Variants in UBFD1 observed in about 807,000 individuals in gnomAD.
UBFD1 encodes ubiquitin family domain containing 1.
Under a neutral mutation model 35.1 loss-of-function variants are expected in UBFD1, and 12 were observed. The observed-to-expected ratio is 0.34, with a 90% confidence interval of 0.22 to 0.55. The LOEUF is 0.55. Among genes scored for constraint, UBFD1 ranks in the 20% least tolerant of loss-of-function variants. The pLI, the probability that UBFD1 is intolerant of heterozygous loss-of-function variation, is 0.89. For synonymous variants in UBFD1, 178 were observed against 167.6 expected (o/e 1.06, Z -0.48); for missense variants, 337 against 410.8 (o/e 0.82, Z 1.55).
chr16:23,566,059 C>T (rs1038009552), intron 5 of UBFD1: 1 of 152,162 alleles, frequency 6.6e-6, no homozygotes, highest in Non-Finnish European at 1.5e-5. Context: ...GTCTTCTGAC[C>T]CCATGTGATC....
At chr16:23,564,508 C>T (rs1333815783) in intron 5 of UBFD1, 2 of 152,226 alleles carry the variant, frequency 1.3e-5, no homozygotes, top group African/African-American at 2.4e-5. Flanking sequence ...TCCATCTTCC[C>T]TTTATCAGTA....
At chr16:23,562,314 C>T (rs1965947814) in intron 4 of UBFD1, 43 bp downstream of exon 4, 1 of 1,583,122 alleles carries the variant, frequency 6.3e-7, no homozygotes, top group Non-Finnish European at 8.7e-7. Flanking sequence ...ATGAGGCAGC[C>T]CCACCGTCTG....
chr16:23,561,979 A>G, intron 3 of UBFD1: 1 of 455,484 alleles, frequency 2.2e-6, no homozygotes, highest in Non-Finnish European at 3.9e-6. Flanking sequence ...CAAGTGTGTA[A>G]TAGTCACAGC....
Position 23,570,602 on chromosome 16 carries a change from C to T in UBFD1, c.*12C>T, listed in dbSNP as rs1296193401. On this transcript the variant is annotated 3_prime_UTR_variant, in exon 7 of 7. Coordinates refer to ENST00000395878, the MANE Select transcript of UBFD1 (RefSeq NM_019116.3). ...GGCAGTATTTTTGAAAGCACTTTCACCTCTGGCCCAGGAGACTGACCCAAA... is the reference window on the plus strand; with the variant it reads ...GGCAGTATTTTTGAAAGCACTTTCATCTCTGGCCCAGGAGACTGACCCAAA... The T allele has an allele frequency of 3.7e-6, 6 of 1,609,968 alleles. No individual in the cohort carries two copies. Among genetic ancestry groups the T allele is most frequent in the Non-Finnish European group, 5.1e-6 (6 of 1,176,314 alleles).
At chr16:23,567,118 A>C (rs1183338925) in intron 6 of UBFD1, 49 bp downstream of exon 6, 2 of 1,557,394 alleles carry the variant, frequency 1.3e-6, no homozygotes, top group South Asian at 2.2e-5. Context: ...CTCCCACTTC[A>C]CCTGGCAGGG....
chr16:23,560,497 C>T (rs1389770656), intron 3 of UBFD1, among the ~76,000 whole-genome samples: 1 of 152,096 alleles, frequency 6.6e-6, no homozygotes. Context: ...CATTTAGTGA[C>T]CATAGACACT....
At chr16:23,557,836 G>A in intron 1 of UBFD1, 69 bp downstream of exon 1, 3 of 1,275,746 alleles carry the variant, frequency 2.4e-6, no homozygotes, top group Non-Finnish European at 3.0e-6. Flanking sequence ...GGGGGATGCG[G>A]CCCGGCCCGG....
At chr16:23,564,784 A>G (rs913168777) in intron 5 of UBFD1, 3 of 152,236 alleles carry the variant, frequency 2.0e-5, no homozygotes, top group Admixed American at 1.3e-4. Context: ...GAAGTTGTAT[A>G]GGGAACACAT....
intron 5 of UBFD1, 40 bp from the exon 6 acceptor site, chr16:23,566,947 A>T: frequency 6.3e-7 from 1 of 1,591,670 alleles, no homozygotes; most frequent in Non-Finnish European, 8.6e-7. Flanking sequence ...TTAGAACAGG[A>T]GGGCCCTTTG....
At position 23,557,949 on chromosome 16, in the gene UBFD1, G is replaced by A; in HGVS notation, c.26-1G>A. The A allele has an allele frequency of 7.4e-7, 1 of 1,351,476 alleles. No individual in the cohort carries two copies. The highest frequency in any genetic ancestry group is 9.5e-7 in the Non-Finnish European group (1 of 1,053,128). The allele number at this position is 1,351,476 out of a possible 1,614,324, so 83.7% of individuals were successfully genotyped here. On this transcript the variant is annotated splice_acceptor_variant, in intron 1 of 6. Transcript: ENST00000395878. LOFTEE classifies it high-confidence loss of function. ...GCGCCCACCCCCTAACCCCCTTGCAGGCATGGAGGAACCTGGCATGGACAC... is the reference window on the plus strand; with the variant it reads ...GCGCCCACCCCCTAACCCCCTTGCAAGCATGGAGGAACCTGGCATGGACAC...
intron 3 of UBFD1, among the ~76,000 whole-genome samples, chr16:23,561,145 A>G (rs1227550286): frequency 1.3e-5 from 2 of 152,228 alleles, no homozygotes; most frequent in Non-Finnish European, 2.9e-5. Context: ...GATGCATCAC[A>G]TGACCTAATG....
intron 4 of UBFD1, 45 bp from the exon 5 acceptor site, chr16:23,562,580 T>A (rs763766965): frequency 1.4e-5 from 22 of 1,589,090 alleles, no homozygotes; most frequent in African/African-American, 2.7e-5. Context: ...CTTCTCTTTT[T>A]TTCTGACTGT....
intron 6 of UBFD1, 24 bp downstream of exon 6, chr16:23,567,093 G>T: frequency 1.9e-6 from 3 of 1,610,632 alleles, no homozygotes; most frequent in Non-Finnish European, 1.7e-6. Flanking sequence ...GCTGAGTTCA[G>T]CCCCTCTCAC....
chr16:23,568,152 G>GTAGTCTTTTTTTTTTTTTTTTTT (rs1966035785), intron 6 of UBFD1, among the ~76,000 whole-genome samples: 1 of 143,786 alleles, frequency 7.0e-6, no homozygotes, highest in African/African-American at 2.6e-5. Flanking sequence ...TACTCTCTCT[G>GTAGTCTTTTTTTTTTTTTTTTTT]TAGTCTTTTT....
At chr16:23,562,579 T>G (rs1965952688) in intron 4 of UBFD1, 46 bp from the exon 5 acceptor site, 1 of 1,588,546 alleles carries the variant, frequency 6.3e-7, no homozygotes, top group African/African-American at 1.3e-5. Context: ...CCTTCTCTTT[T>G]TTTCTGACTG....
At chr16:23,567,110 C>T (rs780522516) in intron 6 of UBFD1, 41 bp downstream of exon 6, 4 of 1,569,994 alleles carry the variant, frequency 2.5e-6, no homozygotes, top group South Asian at 1.1e-5. Context: ...TCACTAGACT[C>T]CCACTTCACC....
Position 23,559,621 on chromosome 16 carries a change from C to T in UBFD1, c.509C>T (p.Ala170Val), listed in dbSNP as rs1232014875. ...GCAGTAAACACACCCAAAGATGCTG[C>T]GCAGCAGGATGCAAAGGCCGAAGAG... ...VLAVNTPKDAAQQDAKAEENK... is the reference protein window; with the variant it reads ...VLAVNTPKDAVQQDAKAEENK... The change falls in exon 3 of 7, where the codon GCG becomes GTG. Residue 170 changes from alanine (A) to valine (V), a missense_variant. By Grantham distance (64) the Ala-to-Val change is moderately conservative. This residue lies in a region of UBFD1 where 44 missense variants were observed against 39.2 expected (regional missense o/e 1.12). Transcript: ENST00000395878. 1.9e-5 allele frequency: 30 copies of T among 1,614,116 alleles called. No homozygotes were observed. Among genetic ancestry groups the T allele is most frequent in the East Asian group, 8.9e-5 (4 of 44,904 alleles).
chr16:23,568,411 G>C (rs190513367), intron 6 of UBFD1, among the ~76,000 whole-genome samples: 1 of 151,220 alleles, frequency 6.6e-6, no homozygotes, highest in East Asian at 2.0e-4. Flanking sequence ...GCCCACCTCA[G>C]CCTCCCAAAG....
chr16:23,559,305 C>T, intron 2 of UBFD1, 163 bp from the exon 3 acceptor site: 1 of 620,110 alleles, frequency 1.6e-6, no homozygotes, highest in Admixed American at 3.0e-5. Flanking sequence ...TTCTACAGTT[C>T]TAGAAACTGA....
Sources: allele counts gnomAD v4.1 joint callset (sites outside exome capture counted in the v4.1 genomes callset), GRCh38; gene constraint gnomAD v4.1.1; regional missense constraint gnomAD v4.1.1; transcripts MANE v1.5; gene names NCBI Gene and HGNC (gene_info 2026-07-23, HGNC 2026-07-21).